Variants in CNTN4 observed in about 807,000 individuals in gnomAD.
CNTN4 encodes contactin 4.
A neutral mutation model predicts 122.5 loss-of-function variants in CNTN4; 77 were observed. The ratio of observed to expected loss-of-function variants is 0.63; its 90% CI spans 0.52 to 0.76. CNTN4 has a LOEUF of 0.76. Ranked by LOEUF, CNTN4 falls within the 30% of genes least tolerant of loss-of-function variation. The probability of loss-of-function intolerance (pLI) is 0.00; values close to 1 mark genes in which losing one functional copy is unlikely to be tolerated. For missense variants in CNTN4, 1,256 were observed against 1,259.1 expected (o/e 1.00, Z 0.04); for synonymous variants, 512 against 447.0 (o/e 1.15, Z -1.83).
At chr3:2,666,122 A>G (rs1176698334) in intron 4 of CNTN4, among the ~76,000 whole-genome samples, 1 of 152,214 alleles carries the variant, frequency 6.6e-6, no homozygotes, top group East Asian at 1.9e-4. Context: ...CAATAGAACA[A>G]ATTCATTTGA....
At chr3:2,234,895 AC>A (rs2039623371) in intron 2 of CNTN4, among the ~76,000 whole-genome samples, 1 of 152,136 alleles carries the variant, frequency 6.6e-6, no homozygotes, top group South Asian at 2.1e-4. Context: ...CTAACTGGAG[AC>A]CAGAAACTTG....
chr3:2,467,133 G>GTTTT (rs368919706), intron 3 of CNTN4, among the ~76,000 whole-genome samples: 4 of 131,434 alleles, frequency 3.0e-5, no homozygotes, highest in African/African-American at 8.3e-5. Flanking sequence ...AAAATTATGG[G>GTTTT]TTTTTTTTTT....
At chr3:2,789,871 G>A (rs965578159) in intron 6 of CNTN4, among the ~76,000 whole-genome samples, 25 of 152,206 alleles carry the variant, frequency 1.6e-4, no homozygotes, top group Non-Finnish European at 3.1e-4. Flanking sequence ...GTTTTCCATT[G>A]TTTGGAACTG....
At chr3:2,727,331 G>T (rs1282164975) in intron 4 of CNTN4, among the ~76,000 whole-genome samples, 1 of 152,150 alleles carries the variant, frequency 6.6e-6, no homozygotes, top group East Asian at 1.9e-4. Context: ...TATTCACATT[G>T]AGTCTATAAA....
intron 6 of CNTN4, among the ~76,000 whole-genome samples, chr3:2,747,325 C>T (rs1206392420): frequency 9.2e-5 from 14 of 151,428 alleles, no homozygotes; most frequent in East Asian, 7.8e-4. Context: ...AGGAGAATGG[C>T]GGGAACCCGG....
At chr3:2,845,853 C>T (rs1442466128) in intron 7 of CNTN4, among the ~76,000 whole-genome samples, 1 of 152,178 alleles carries the variant, frequency 6.6e-6, no homozygotes, top group Non-Finnish European at 1.5e-5. Flanking sequence ...CAAACCTCTT[C>T]TCCTATACAT....
At chr3:2,807,641 C>T (rs2092501401) in intron 6 of CNTN4, among the ~76,000 whole-genome samples, 2 of 152,106 alleles carry the variant, frequency 1.3e-5, no homozygotes, top group Admixed American at 6.5e-5. Context: ...CTTTGATTTC[C>T]CTAAAATAGC....
At chr3:2,506,021 T>G (rs1241532968) in intron 3 of CNTN4, among the ~76,000 whole-genome samples, 1 of 152,152 alleles carries the variant, frequency 6.6e-6, no homozygotes, top group Non-Finnish European at 1.5e-5. Context: ...CTCGCTTTTT[T>G]TTTTCTAATG....
chr3:2,790,797 T>A (rs1197448292), intron 6 of CNTN4, among the ~76,000 whole-genome samples: 1 of 152,206 alleles, frequency 6.6e-6, no homozygotes, highest in African/African-American at 2.4e-5. Context: ...CTTGACTTGC[T>A]TCTGTTACAA....
At chr3:2,530,309 CTTT>C (rs1206246281) in intron 3 of CNTN4, among the ~76,000 whole-genome samples, 2 of 134,694 alleles carry the variant, frequency 1.5e-5, no homozygotes, top group Non-Finnish European at 3.2e-5. Context: ...TTCTCCTCTT[CTTT>C]TTTTTTTTTT....
In CNTN4 at chr3:3,042,302, A is replaced by T; in HGVS notation, c.2399-8A>T. On this transcript the variant is annotated splice_polypyrimidine_tract_variant and splice_region_variant and intron_variant, in intron 20 of 24. Transcript: ENST00000418658. ...TAGAGTAATAACTATCTCCATATTCATCTACAGAACCCACCAAACCACCAG... is the reference window on the plus strand; with the variant it reads ...TAGAGTAATAACTATCTCCATATTCTTCTACAGAACCCACCAAACCACCAG... 1 of 1,600,478 alleles carries T rather than the reference A, an allele frequency of 6.2e-7. No homozygotes were observed. Among genetic ancestry groups the T allele is most frequent in the Non-Finnish European group, 8.6e-7 (1 of 1,167,528 alleles).
chr3:2,648,655 A>T (rs537048739), intron 4 of CNTN4, among the ~76,000 whole-genome samples: 7 of 152,092 alleles, frequency 4.6e-5, no homozygotes, highest in Non-Finnish European at 4.4e-5. Flanking sequence ...AGAAACAACA[A>T]TATTGAAATT....
intron 3 of CNTN4, among the ~76,000 whole-genome samples, chr3:2,361,016 G>T (rs1292988971): frequency 1.3e-5 from 2 of 152,146 alleles, no homozygotes; most frequent in African/African-American, 4.8e-5. Flanking sequence ...TCTTTTGTGG[G>T]TATTGCACAA....
At chr3:2,387,858 G>T (rs1028531904) in intron 3 of CNTN4, among the ~76,000 whole-genome samples, 1 of 152,186 alleles carries the variant, frequency 6.6e-6, no homozygotes, top group Non-Finnish European at 1.5e-5. Flanking sequence ...CAAAGAGCTG[G>T]TCTTCCCAAG....
intron 3 of CNTN4, among the ~76,000 whole-genome samples, chr3:2,531,990 A>G (rs2077613757): frequency 6.6e-6 from 1 of 152,192 alleles, no homozygotes; most frequent in African/African-American, 2.4e-5. Flanking sequence ...CTAAAGAATG[A>G]GAAACTGTTG....
chr3:2,571,151 G>T (rs2079404011), intron 3 of CNTN4, among the ~76,000 whole-genome samples: 1 of 152,114 alleles, frequency 6.6e-6, no homozygotes, highest in Non-Finnish European at 1.5e-5. Context: ...CTTCAGGTTG[G>T]TTCATGCCTA....
At chr3:2,737,893 T>C (rs2089231054) in intron 5 of CNTN4, among the ~76,000 whole-genome samples, 1 of 152,180 alleles carries the variant, frequency 6.6e-6, no homozygotes. Flanking sequence ...TTTCAAACAT[T>C]AAACCTTAGT....
chr3:2,158,566 C>G (rs1228645173), intron 2 of CNTN4, among the ~76,000 whole-genome samples: 30 of 152,310 alleles, frequency 2.0e-4, no homozygotes, highest in Non-Finnish European at 1.8e-4. Flanking sequence ...AGAACGTAGA[C>G]TAAATGGAGT....
At chr3:2,647,854 A>G (rs2083197982) in intron 4 of CNTN4, among the ~76,000 whole-genome samples, 1 of 152,216 alleles carries the variant, frequency 6.6e-6, no homozygotes, top group Non-Finnish European at 1.5e-5. Flanking sequence ...TTGTTAGTTT[A>G]CAGTTACTAA....
Sources: allele counts gnomAD v4.1 joint callset (sites outside exome capture counted in the v4.1 genomes callset), GRCh38; gene constraint gnomAD v4.1.1; transcripts MANE v1.5; gene names NCBI Gene and HGNC (gene_info 2026-07-23, HGNC 2026-07-21).